The following CDC23 variants were observed in gnomAD, a reference collection of about 807,000 sequenced individuals.
CDC23 encodes cell division cycle protein 23 homolog.
Under a neutral mutation model 81.7 loss-of-function variants are expected in CDC23, and 26 were observed. The observed-to-expected ratio is 0.32, with a 90% CI of 0.23 to 0.44. The LOEUF is 0.44. Among genes scored for constraint, CDC23 ranks in the 20% least tolerant of loss-of-function variants. The pLI is 1.00. For synonymous variants in CDC23, 267 were observed against 270.8 expected, an observed-to-expected ratio of 0.99 and a Z score of 0.14; for missense variants, 519 against 728.0, an observed-to-expected ratio of 0.71 and a Z score of 3.30.
At chr5:138,206,454 A>T in intron 3 of CDC23, 93 bp downstream of exon 3, 1 of 1,252,360 alleles carries the variant, frequency 8.0e-7, no homozygotes. Flanking sequence ...TCAGTGGCCC[A>T]CTGCTAAGCT....
At chr5:138,203,850 T>G (rs1437810972) in intron 3 of CDC23, among the ~76,000 whole-genome samples, 1 of 151,812 alleles carries the variant, frequency 6.6e-6, no homozygotes, top group Non-Finnish European at 1.5e-5. Flanking sequence ...GAGGCGGAGG[T>G]TGCAGTGAGC....
intron 3 of CDC23, 47 bp downstream of exon 3, chr5:138,206,500 A>G (rs1287406850): frequency 1.2e-6 from 2 of 1,606,218 alleles, no homozygotes; most frequent in African/African-American, 1.3e-5. Flanking sequence ...GGTTCTAAAT[A>G]TGGATGTTTC....
chr5:138,192,771 G>C (rs1182482571), intron 9 of CDC23, 114 bp from the exon 10 acceptor site: 1 of 876,506 alleles, frequency 1.1e-6, no homozygotes, highest in Non-Finnish European at 1.7e-6. Flanking sequence ...TCCCTCTAAA[G>C]TCCTGGCAAA....
In CDC23 at chr5:138,213,223, C is replaced by G. The variant is rs538283812; in HGVS notation, c.90G>C (p.Arg30=). The G allele has an allele frequency of 1.2e-6, 2 of 1,614,074 alleles. No homozygotes were observed. The highest frequency in any genetic ancestry group is 1.7e-6 in the Non-Finnish European group (2 of 1,180,046). ...LSINSDFSDL[R]EIKKQLLLIA... ...TAAGCAGCAGTTGCTTTTTAATTTC[C>G]CGCAAATCTGAGAAATCGCTGTTTA... is the stretch of plus-strand genomic sequence containing the variant. The change falls in exon 1 of 16, where the codon CGG becomes CGC. Residue 30 remains arginine (R), a synonymous_variant. Coordinates refer to ENST00000394886, the MANE Select transcript of CDC23 (RefSeq NM_004661.4).
chr5:138,208,570 T>C (rs1048233476), intron 2 of CDC23, among the ~76,000 whole-genome samples: 1 of 152,206 alleles, frequency 6.6e-6, no homozygotes, highest in African/African-American at 2.4e-5. Flanking sequence ...AAATGGATTA[T>C]AATGAAAAGC....
At chr5:138,206,982 C>T (rs1207311398) in intron 2 of CDC23, among the ~76,000 whole-genome samples, 2 of 149,684 alleles carry the variant, frequency 1.3e-5, no homozygotes, top group Non-Finnish European at 2.9e-5. Context: ...CAGGTTCAAG[C>T]GATTATTGTG....
At chr5:138,190,638 G>A (rs190307427) in intron 13 of CDC23, among the ~76,000 whole-genome samples, 6 of 152,114 alleles carry the variant, frequency 3.9e-5, no homozygotes, top group East Asian at 1.9e-4. Context: ...GGTGGCAAGC[G>A]CCTGTAATGC....
chr5:138,195,217 T>C (rs556982708), intron 9 of CDC23, among the ~76,000 whole-genome samples: 8 of 151,922 alleles, frequency 5.3e-5, no homozygotes, highest in Admixed American at 5.3e-4. Context: ...ACATATTCCT[T>C]TTAATGTGGC....
intron 6 of CDC23, 86 bp from the exon 7 acceptor site, chr5:138,198,868 AG>A: frequency 7.2e-7 from 1 of 1,387,654 alleles, no homozygotes; most frequent in Non-Finnish European, 9.8e-7. Flanking sequence ...TATTATCTAA[AG>A]GAATTTATCA....
At position 138,189,095 on chromosome 5, in the gene CDC23, T is replaced by C. The variant is rs990169780; in HGVS notation, c.1677A>G (p.Gln559=). 7 of 1,613,948 alleles carry C rather than the reference T, an allele frequency of 4.3e-6. No homozygotes were observed. The highest frequency in any genetic ancestry group is 1.3e-5 in the African/African-American group (1 of 74,902). ...LLRQILQLRN[Q]GETPTTEVPA... ...GCACCTCGGTGGTAGGAGTCTCGCC[T>C]TGGTTCCGAAGCTGTAGGATTTGCC... is the stretch of plus-strand genomic sequence containing the variant. Residue 559 remains glutamine, a synonymous_variant, in exon 16 of 16, where the codon CAA becomes CAG. Coordinates refer to ENST00000394886, the MANE Select transcript of CDC23 (RefSeq NM_004661.4).
At chr5:138,197,897 GGTAT>G (rs1754935422) in intron 9 of CDC23, among the ~76,000 whole-genome samples, 1 of 152,154 alleles carries the variant, frequency 6.6e-6, no homozygotes, top group African/African-American at 2.4e-5. Flanking sequence ...CACATTCTAT[GGTAT>G]GTATTTGTTA....
chr5:138,188,904 A>G lies in CDC23; in HGVS notation c.*74T>C. The G allele has an allele frequency of 7.0e-7, 1 of 1,431,018 alleles. No homozygotes were observed. The highest frequency in any genetic ancestry group is 9.6e-7 in the Non-Finnish European group (1 of 1,046,998). 88.6% of individuals were successfully genotyped at this position (1,431,018 alleles called of 1,614,324 possible). ...AGAAGAGCTGAGGTCCTTGGAACAGACGTGCTGTTCTTTACATGGAGGTAA... is the reference window on the plus strand; with the variant it reads ...AGAAGAGCTGAGGTCCTTGGAACAGGCGTGCTGTTCTTTACATGGAGGTAA... On this transcript the variant is annotated 3_prime_UTR_variant, in exon 16 of 16. Coordinates refer to ENST00000394886, the MANE Select transcript of CDC23 (RefSeq NM_004661.4).
Position 138,198,183 on chromosome 5 carries a change from T to C in CDC23, c.1012+16A>G, listed in dbSNP as rs576926004. On this transcript the variant is annotated intron_variant, in intron 9 of 15. Coordinates refer to ENST00000394886, the MANE Select transcript of CDC23 (RefSeq NM_004661.4). ...TAAATATAAATCTTAAAAGAAAAAA[T>C]GTAGTTAATTCTTACCAATTACACA... is the stretch of plus-strand genomic sequence containing the variant. 308 of 1,549,984 alleles carry C rather than the reference T, an allele frequency of 2.0e-4. 2 individuals carry two copies. In the South Asian group the frequency reaches 3.2e-3, roughly 16 times the overall value.
In CDC23 at chr5:138,189,689, A is replaced by C. The variant is rs1754804452; in HGVS notation, c.1567T>G (p.Cys523Gly). The C allele has an allele frequency of 2.5e-6, 4 of 1,614,082 alleles. No individual in the cohort carries two copies. The highest frequency in any genetic ancestry group is 1.1e-5 in the South Asian group (1 of 91,076). Residue 523 changes from cysteine (C) to glycine (G), a missense_variant, in exon 15 of 16, where the codon TGC becomes GGC. Cys to Gly is a radical substitution (Grantham distance 159). Transcript: ENST00000394886. ...GTTGAAGCTTCATCCCACAGTTTGC[A>C]CTTAAAATAGTACTGGGCCAGATAG... ...FRYLAQYYFK[C>G]KLWDEASTCA...
At chr5:138,192,811 C>T (rs904807120) in intron 9 of CDC23, among the ~76,000 whole-genome samples, 154 bp from the exon 10 acceptor site, 2 of 152,064 alleles carry the variant, frequency 1.3e-5, no homozygotes, top group African/African-American at 4.8e-5. Flanking sequence ...GGGAAATATT[C>T]CCTTGGGAAA....
intron 2 of CDC23, among the ~76,000 whole-genome samples, chr5:138,212,413 G>C (rs567048714): frequency 1.3e-5 from 2 of 152,288 alleles, no homozygotes; most frequent in East Asian, 3.9e-4. Context: ...TCGCCTCCCG[G>C]GTTTAAGCGA....
At chr5:138,195,758 C>CAT (rs1231454957) in intron 9 of CDC23, among the ~76,000 whole-genome samples, 1 of 109,504 alleles carries the variant, frequency 9.1e-6, no homozygotes, top group Non-Finnish European at 1.8e-5. Flanking sequence ...TATATATATA[C>CAT]ATATATTATA....
intron 13 of CDC23, 64 bp downstream of exon 13, chr5:138,191,410 G>T: frequency 7.3e-7 from 1 of 1,363,046 alleles, no homozygotes; most frequent in Non-Finnish European, 1.1e-6. Context: ...TCTAGACCAT[G>T]CAGGACCCAC....
intron 9 of CDC23, among the ~76,000 whole-genome samples, chr5:138,193,262 G>A (rs1222837768): frequency 2.6e-5 from 4 of 152,070 alleles, no homozygotes; most frequent in Admixed American, 2.0e-4. Context: ...GCTTTACATC[G>A]GTGGTTTTCA....
Sources: allele counts gnomAD v4.1 joint callset (sites outside exome capture counted in the v4.1 genomes callset), GRCh38; gene constraint gnomAD v4.1.1; transcripts MANE v1.5; gene names NCBI Gene and HGNC (gene_info 2026-07-23, HGNC 2026-07-21).